SRPK2: variants seen among roughly 807,000 people sequenced by gnomAD.
SRPK2 encodes the protein SRSF protein kinase 2.
In SRPK2, 21 loss-of-function variants were observed where a neutral mutation model predicts 90.8. The observed-to-expected ratio is 0.23, with a 90% CI of 0.16 to 0.33. The LOEUF is 0.33. Among genes scored for constraint, SRPK2 ranks in the 10% least tolerant of loss-of-function variants. The pLI, the probability that SRPK2 is intolerant of heterozygous loss-of-function variation, is 1.00. For missense variants in SRPK2, 620 were observed against 869.0 expected (o/e 0.71, Z 3.60); for synonymous variants, 288 against 311.1 (o/e 0.93, Z 0.78).
At chr7:105,232,615 CAA>C (rs11334425) in intron 2 of SRPK2, among the ~76,000 whole-genome samples, 1 of 151,142 alleles carries the variant, frequency 6.6e-6, no homozygotes, top group African/African-American at 2.4e-5. Flanking sequence ...CAAAACAAAA[CAA>C]AAAAAAACAG....
intron 2 of SRPK2, among the ~76,000 whole-genome samples, chr7:105,215,060 AC>A (rs975149747): frequency 3.9e-5 from 6 of 152,230 alleles, no homozygotes; most frequent in African/African-American, 1.4e-4. Context: ...CTGATTTCCA[AC>A]TGATTGCCAA....
At chr7:105,242,092 AG>A (rs2129624492) in intron 2 of SRPK2, among the ~76,000 whole-genome samples, 1 of 152,358 alleles carries the variant, frequency 6.6e-6, no homozygotes, top group African/African-American at 2.4e-5. Flanking sequence ...GGTTGACGGC[AG>A]GCAACATTTC....
intron 2 of SRPK2, among the ~76,000 whole-genome samples, chr7:105,290,714 C>T (rs1158078026): frequency 1.3e-5 from 2 of 152,072 alleles, no homozygotes; most frequent in African/African-American, 4.8e-5. Context: ...TCTATACTAC[C>T]AGCTATGAAA....
Position 105,166,124 on chromosome 7 carries a change from C to T in SRPK2, c.514+1253G>A, listed in dbSNP as rs548338380. 2.1e-3 allele frequency among the ~76,000 whole-genome samples: 327 copies of T among 152,336 alleles called. 1 individual carries two copies. The highest frequency in any genetic ancestry group is 4.1e-3 in the Non-Finnish European group (277 of 68,020). On this transcript the variant is annotated intron_variant, in intron 6 of 15. Coordinates refer to ENST00000393651, the MANE Select transcript of SRPK2 (RefSeq NM_182692.3). The stretch of plus-strand genomic sequence containing the variant: ...CCTACACTTATAGCTGACCAAGAAA[C>T]ACTTTCCTCTGTTAAGAATCACTAA...
chr7:105,361,991 T>G (rs997047800), intron 2 of SRPK2, among the ~76,000 whole-genome samples: 4 of 151,966 alleles, frequency 2.6e-5, no homozygotes, highest in African/African-American at 9.7e-5. Context: ...CTAATTAAAC[T>G]AAAGAGCTTC....
chr7:105,370,760 C>T (rs1819605753), intron 2 of SRPK2, among the ~76,000 whole-genome samples: 1 of 151,628 alleles, frequency 6.6e-6, no homozygotes, highest in Non-Finnish European at 1.5e-5. Flanking sequence ...GGACTATAGG[C>T]GTGCACCATC....
At position 105,123,754 on chromosome 7, in the gene SRPK2, G is replaced by T. The variant is rs990989288; in HGVS notation, c.1915+2494C>A. 5.9e-5 allele frequency among the ~76,000 whole-genome samples: 9 copies of T among 152,046 alleles called. No homozygotes were observed. In the East Asian group the frequency reaches 1.2e-3, roughly 20 times the overall value. On this transcript the variant is annotated intron_variant, in intron 15 of 15. Coordinates refer to ENST00000393651, the MANE Select transcript of SRPK2 (RefSeq NM_182692.3). ...TCTGTAAAAACCCTAAATCCCTTCT[G>T]ATCTCTACTGCCATTAGAAATAATA...
chr7:105,374,141 G>A (rs999094527), intron 2 of SRPK2, among the ~76,000 whole-genome samples: 7 of 151,860 alleles, frequency 4.6e-5, no homozygotes, highest in African/African-American at 1.2e-4. Flanking sequence ...TGGCCAGGCT[G>A]GTCTCAAACT....
intron 3 of SRPK2, among the ~76,000 whole-genome samples, chr7:105,182,963 A>T (rs1378199156): frequency 1.3e-5 from 2 of 152,212 alleles, no homozygotes; most frequent in Non-Finnish European, 2.9e-5. Flanking sequence ...GTAAAATTAA[A>T]ATGTGTAGTA....
At chr7:105,389,271 C>T (rs772236641), upstream of SRPK2, 6 of 1,273,276 alleles carry the variant, frequency 4.7e-6, 1 homozygote, top group South Asian at 7.6e-5. Flanking sequence ...CCCGCTGCTC[C>T]ATGCGCCCGT....
chr7:105,246,207 T>C (rs1563139250), intron 2 of SRPK2, among the ~76,000 whole-genome samples: 1 of 152,170 alleles, frequency 6.6e-6, no homozygotes, highest in Non-Finnish European at 1.5e-5. Context: ...AGACAGAAAG[T>C]TACACACAGA....
chr7:105,169,389 C>G, intron 3 of SRPK2, 124 bp from the exon 4 acceptor site: 1 of 682,608 alleles, frequency 1.5e-6, no homozygotes, highest in Non-Finnish European at 2.4e-6. Context: ...CAGACTAAAA[C>G]ATGTTTAATA....
chr7:105,325,490 A>AAC (rs1813460845), intron 2 of SRPK2, among the ~76,000 whole-genome samples: 1 of 150,352 alleles, frequency 6.7e-6, no homozygotes, highest in Admixed American at 6.6e-5. Context: ...AGTCTTCAAA[A>AAC]AAAAAAAAAA....
chr7:105,181,926 A>T (rs1401643378), intron 3 of SRPK2, among the ~76,000 whole-genome samples: 1 of 149,678 alleles, frequency 6.7e-6, no homozygotes, highest in East Asian at 2.0e-4. Context: ...AACCAAATGT[A>T]GGCTAAAATT....
chr7:105,389,153 G>A, upstream of SRPK2: 2 of 1,013,300 alleles, frequency 2.0e-6, no homozygotes, highest in Non-Finnish European at 1.2e-6. Context: ...TCCGCCTCCT[G>A]CGATCCTGCG....
chr7:105,252,131 A>G (rs1227068947), intron 2 of SRPK2, among the ~76,000 whole-genome samples: 1 of 152,242 alleles, frequency 6.6e-6, no homozygotes, highest in Non-Finnish European at 1.5e-5. Flanking sequence ...TTCTCCTTAA[A>G]TGATGACAGA....
chr7:105,209,776 A>G (rs2129612073), intron 2 of SRPK2, among the ~76,000 whole-genome samples: 1 of 152,236 alleles, frequency 6.6e-6, no homozygotes, highest in East Asian at 1.9e-4. Context: ...AAAACACAGC[A>G]CTTCAGTGAT....
intron 2 of SRPK2, among the ~76,000 whole-genome samples, chr7:105,296,628 A>C (rs1809850814): frequency 6.6e-6 from 1 of 152,222 alleles, no homozygotes; most frequent in African/African-American, 2.4e-5. Context: ...ACAAGAACTA[A>C]GGAAATCTGA....
chr7:105,343,023 T>C (rs1269097601), intron 2 of SRPK2, among the ~76,000 whole-genome samples: 1 of 152,200 alleles, frequency 6.6e-6, no homozygotes, highest in African/African-American at 2.4e-5. Context: ...GTAGGATGTG[T>C]TCACAAGTTA....
Sources: allele counts gnomAD v4.1 joint callset (sites outside exome capture counted in the v4.1 genomes callset), GRCh38; gene constraint gnomAD v4.1.1; transcripts MANE v1.5; gene names NCBI Gene and HGNC (gene_info 2026-07-23, HGNC 2026-07-21).